Variants in DPYD observed in about 807,000 individuals in gnomAD.
DPYD encodes the protein dihydropyrimidine dehydrogenase, also known as dihydropyrimidine dehydrogenase [NADP(+)].
Under a neutral mutation model 116.2 loss-of-function variants are expected in DPYD, and 109 were observed. That is an observed-to-expected ratio of 0.94 (90% confidence interval 0.80 to 1.10). DPYD has a LOEUF of 1.10. Among genes scored for constraint, DPYD ranks in the 50% least tolerant of loss-of-function variants. The pLI is 0.00. For synonymous variants in DPYD, 440 were observed against 432.0 expected, an observed-to-expected ratio of 1.02 and a Z score of -0.23; for missense variants, 1,302 against 1,254.5, an observed-to-expected ratio of 1.04 and a Z score of -0.57.
At chr1:97,098,339 G>C in intron 21 of DPYD, 150 bp downstream of exon 21, 1 of 922,194 alleles carries the variant, frequency 1.1e-6, no homozygotes, top group South Asian at 1.8e-5. Flanking sequence ...TTTAAATGCA[G>C]TTTTCACCAT....
intron 8 of DPYD, among the ~76,000 whole-genome samples, chr1:97,651,026 C>A (rs1009223284): frequency 2.6e-5 from 4 of 152,068 alleles, no homozygotes; most frequent in African/African-American, 9.7e-5. Flanking sequence ...AGCCTTAGCT[C>A]TGAGTATTTG....
intron 13 of DPYD, among the ~76,000 whole-genome samples, chr1:97,461,527 A>G (rs1677032975): frequency 6.6e-6 from 1 of 152,202 alleles, no homozygotes; most frequent in Non-Finnish European, 1.5e-5. Flanking sequence ...TGGAAAGAAA[A>G]AAATGAGGAG....
chr1:97,170,215 A>G (rs1656623904), intron 20 of DPYD, among the ~76,000 whole-genome samples: 1 of 152,184 alleles, frequency 6.6e-6, no homozygotes, highest in Non-Finnish European at 1.5e-5. Context: ...GGACTGTATG[A>G]ATGGAAACTT....
chr1:97,529,832 TCTC>T (rs1255820774), intron 12 of DPYD, among the ~76,000 whole-genome samples: 88 of 151,070 alleles, frequency 5.8e-4, no homozygotes, highest in African/African-American at 1.9e-3. Flanking sequence ...TCTTTTTCTC[TCTC>T]TTCTCTCTCC....
chr1:97,530,260 C>T (rs1316532106), intron 12 of DPYD, among the ~76,000 whole-genome samples: 1 of 145,038 alleles, frequency 6.9e-6, no homozygotes, highest in Non-Finnish European at 1.5e-5. Context: ...CTCTGTCACC[C>T]AGGCTGGAGT....
At chr1:97,692,078 C>A (rs971357482) in intron 6 of DPYD, among the ~76,000 whole-genome samples, 28 of 151,888 alleles carry the variant, frequency 1.8e-4, no homozygotes, top group African/African-American at 6.0e-4. Context: ...AATTTCAATA[C>A]TTTTAAGTTC....
At position 97,304,619 on chromosome 1, in the gene DPYD, C is replaced by T. The variant is rs569377245; in HGVS notation, c.2299+640G>A. Among the ~76,000 whole-genome samples, 25 of 152,084 alleles carry T rather than the reference C, an allele frequency of 1.6e-4. 2 individuals carry two copies. In the South Asian group the frequency reaches 5.2e-3, roughly 32 times the overall value. On this transcript the variant is annotated intron_variant, in intron 18 of 22. Coordinates refer to ENST00000370192, the MANE Select transcript of DPYD (RefSeq NM_000110.4). ...CAAGGAGACTAATCCCAAACCAGTACAGTCAAGAACCTTACAGCATTGTCT... is the reference window on the plus strand; with the variant it reads ...CAAGGAGACTAATCCCAAACCAGTATAGTCAAGAACCTTACAGCATTGTCT...
chr1:97,643,155 G>A (rs1386134330), intron 8 of DPYD, among the ~76,000 whole-genome samples: 2 of 151,942 alleles, frequency 1.3e-5, no homozygotes. Flanking sequence ...GTGACCTACA[G>A]AATAGGAGAA....
intron 8 of DPYD, among the ~76,000 whole-genome samples, chr1:97,677,762 T>C (rs1660223392): frequency 6.6e-6 from 1 of 152,118 alleles, no homozygotes; most frequent in Admixed American, 6.6e-5. Context: ...TTCCATAATT[T>C]TTTGCCTAAA....
chr1:97,242,852 ATCTG>A (rs1254777055), intron 18 of DPYD, among the ~76,000 whole-genome samples: 3 of 151,732 alleles, frequency 2.0e-5, no homozygotes, highest in East Asian at 3.9e-4. Flanking sequence ...ATCTCTCTTG[ATCTG>A]TCTTTCTCAC....
intron 8 of DPYD, among the ~76,000 whole-genome samples, chr1:97,630,689 C>T (rs1657205314): frequency 6.6e-6 from 1 of 151,982 alleles, no homozygotes; most frequent in Non-Finnish European, 1.5e-5. Flanking sequence ...GAAACTTTTC[C>T]CAGTAAATAA....
chr1:97,803,716 A>C (rs942987587), intron 3 of DPYD, among the ~76,000 whole-genome samples: 2 of 151,886 alleles, frequency 1.3e-5, no homozygotes, highest in African/African-American at 4.8e-5. Flanking sequence ...GAAAAGTTAA[A>C]ATTTCCTTGT....
intron 8 of DPYD, among the ~76,000 whole-genome samples, chr1:97,617,217 CA>C (rs1461981109): frequency 1.3e-5 from 2 of 152,174 alleles, no homozygotes; most frequent in Non-Finnish European, 2.9e-5. Flanking sequence ...CACAAACACA[CA>C]GTTCGTGTCT....
At chr1:97,608,835 G>T in intron 8 of DPYD, among the ~76,000 whole-genome samples, 1 of 151,914 alleles carries the variant, frequency 6.6e-6, no homozygotes, top group Admixed American at 6.6e-5. Context: ...CCACTACTAG[G>T]TGAAGAATCT....
intron 14 of DPYD, among the ~76,000 whole-genome samples, chr1:97,421,924 T>C (rs558084565): frequency 3.9e-5 from 6 of 152,214 alleles, no homozygotes; most frequent in Non-Finnish European, 7.4e-5. Context: ...GTCAGGCATA[T>C]AAAGCGCTAG....
chr1:97,378,410 A>C (rs1190485841), intron 15 of DPYD, among the ~76,000 whole-genome samples: 1 of 152,192 alleles, frequency 6.6e-6, no homozygotes, highest in East Asian at 1.9e-4. Flanking sequence ...AACTGATAGG[A>C]AACTGGCTTG....
intron 8 of DPYD, among the ~76,000 whole-genome samples, chr1:97,616,298 C>A (rs191425388): frequency 1.3e-5 from 2 of 152,220 alleles, no homozygotes; most frequent in Admixed American, 6.5e-5. Flanking sequence ...TATTGTCACA[C>A]TTTTCTCAGC....
intron 21 of DPYD, among the ~76,000 whole-genome samples, chr1:97,084,360 A>G (rs1649359629): frequency 6.6e-6 from 1 of 151,586 alleles, no homozygotes; most frequent in African/African-American, 2.4e-5. Flanking sequence ...CTCGAATGCC[A>G]CTACTTCATG....
In DPYD at chr1:97,676,197, C is replaced by T. The variant is rs75042061; in HGVS notation, c.850+2898G>A. Among the ~76,000 whole-genome samples the T allele has an allele frequency of 1.1e-3, 169 of 152,238 alleles. 1 individual carries two copies. Among genetic ancestry groups the T allele is most frequent in the East Asian group, 1.7e-3 (9 of 5,172 alleles). On this transcript the variant is annotated intron_variant, in intron 8 of 22. Transcript: ENST00000370192. ...TGTAACAGAGACTTTCATTTCTATC[C>T]TCTCTCAATATCTGTCATCCCCTTT...
Sources: allele counts gnomAD v4.1 joint callset (sites outside exome capture counted in the v4.1 genomes callset), GRCh38; gene constraint gnomAD v4.1.1; transcripts MANE v1.5; gene names NCBI Gene and HGNC (gene_info 2026-07-23, HGNC 2026-07-21).